Variants in PRR16 observed in about 807,000 individuals in gnomAD.
The protein encoded by PRR16 is proline rich 16.
PRR16 carries 6 observed loss-of-function variants against 18.2 expected under a neutral mutation model. That is an observed-to-expected ratio of 0.33 (90% confidence interval 0.18 to 0.65). The LOEUF (loss-of-function observed/expected upper bound fraction) is 0.65. PRR16 is among the 30% of genes least tolerant of loss of function. The probability of loss-of-function intolerance (pLI) is 0.74; values close to 1 mark genes in which losing one functional copy is unlikely to be tolerated. For missense variants in PRR16, 412 were observed against 376.6 expected, an observed-to-expected ratio of 1.09 and a Z score of -0.78; for synonymous variants, 151 against 147.8, an observed-to-expected ratio of 1.02 and a Z score of -0.16.
the PRR16 span, among the ~76,000 whole-genome samples, chr5:120,787,053 A>G: frequency 1.3e-5 from 2 of 152,198 alleles, no homozygotes; most frequent in African/African-American, 4.8e-5. Context: ...AGAATGGGTC[A>G]GAAGGCATTT....
At chr5:120,703,692 T>C in the PRR16 span, among the ~76,000 whole-genome samples, 3 of 152,196 alleles carry the variant, frequency 2.0e-5, no homozygotes, top group South Asian at 6.2e-4. Flanking sequence ...TTTGAAGAGA[T>C]TGGAGTGAGA....
In PRR16 at chr5:120,640,774, A is replaced by G. The variant is rs573194413; in HGVS notation, c.160-45180A>G. ...AAAAATATAAACAAATCAAAACAAA[A>G]CACAATTCTTCTCCCTTGCTTCTCT... On this transcript the variant is annotated intron_variant, in intron 1 of 1. Coordinates refer to ENST00000407149, the MANE Select transcript of PRR16 (RefSeq NM_001300783.2). Among the ~76,000 whole-genome samples the G allele has an allele frequency of 1.1e-3, 173 of 152,224 alleles. 1 individual carries two copies. Among genetic ancestry groups the G allele is most frequent in the Non-Finnish European group, 2.1e-3 (145 of 68,000 alleles).
the PRR16 span, among the ~76,000 whole-genome samples, chr5:120,707,061 A>G: frequency 6.6e-6 from 1 of 152,190 alleles, no homozygotes; most frequent in African/African-American, 2.4e-5. Flanking sequence ...AGGCTGGGAG[A>G]AAATTTACAT....
At position 120,577,142 on chromosome 5, in the gene PRR16, G is replaced by T. The variant is rs1753106793; in HGVS notation, c.160-108812G>T. Among the ~76,000 whole-genome samples the T allele has an allele frequency of 3.9e-5, 6 of 151,924 alleles. No individual in the cohort carries two copies. In the South Asian group the frequency reaches 1.0e-3, roughly 26 times the overall value. ...TATTCTTGTGAGTTTATACTAATAT[G>T]ATTCACATATATATCATGATATAGC... On this transcript the variant is annotated intron_variant, in intron 1 of 1. Transcript: ENST00000407149.
chr5:120,544,256 A>G (rs1371390208), intron 1 of PRR16, among the ~76,000 whole-genome samples: 1 of 152,158 alleles, frequency 6.6e-6, no homozygotes, highest in African/African-American at 2.4e-5. Context: ...AGATCTTCTG[A>G]CCTTTCAAAG....
At chr5:120,570,645 A>G (rs1752876926) in intron 1 of PRR16, among the ~76,000 whole-genome samples, 1 of 152,194 alleles carries the variant, frequency 6.6e-6, no homozygotes, top group African/African-American at 2.4e-5. Context: ...TCTGAAAACC[A>G]TCTCAATCCC....
chr5:120,789,270 A>G, the PRR16 span, among the ~76,000 whole-genome samples: 1 of 152,138 alleles, frequency 6.6e-6, no homozygotes, highest in African/African-American at 2.4e-5. Context: ...AGAAGACCAC[A>G]GACACACTCC....
chr5:120,464,657 A>T lies in PRR16; in HGVS notation c.159+12A>T. On this transcript the variant is annotated intron_variant, in intron 1 of 1. Transcript: ENST00000407149. ...AGGAACTTAAGGAGGTGAGAGGCGC[A>T]GGGGTGGGGAGGGAGTTCGGCACCC... 1 of 1,543,122 alleles carries T rather than the reference A, an allele frequency of 6.5e-7. No homozygotes were observed. The highest frequency in any genetic ancestry group is 8.7e-7 in the Non-Finnish European group (1 of 1,150,130).
chr5:120,526,998 C>A (rs112703720), intron 1 of PRR16, among the ~76,000 whole-genome samples: 2 of 152,112 alleles, frequency 1.3e-5, no homozygotes, highest in Non-Finnish European at 2.9e-5. Context: ...CTTTATGCCC[C>A]GTGATTAGTA....
intron 1 of PRR16, among the ~76,000 whole-genome samples, chr5:120,510,511 G>T (rs908776966): frequency 2.0e-5 from 3 of 152,128 alleles, no homozygotes; most frequent in Non-Finnish European, 4.4e-5. Flanking sequence ...ATCATTTGTA[G>T]AAAAAGACTA....
chr5:120,644,456 T>G (rs976926603), intron 1 of PRR16, among the ~76,000 whole-genome samples: 1 of 152,058 alleles, frequency 6.6e-6, no homozygotes, highest in Non-Finnish European at 1.5e-5. Context: ...AAGAACCTCA[T>G]GGGATTTGGA....
the PRR16 span, among the ~76,000 whole-genome samples, chr5:120,740,158 T>C: frequency 1.3e-5 from 2 of 152,308 alleles, no homozygotes; most frequent in South Asian, 2.1e-4. Flanking sequence ...TTTGCTTTTC[T>C]TCTGTTGAGA....
intron 1 of PRR16, among the ~76,000 whole-genome samples, chr5:120,633,147 G>T (rs1487963604): frequency 6.6e-6 from 1 of 152,040 alleles, no homozygotes; most frequent in Non-Finnish European, 1.5e-5. Context: ...ATAAATAAAA[G>T]AAAGATACAG....
intron 1 of PRR16, among the ~76,000 whole-genome samples, chr5:120,631,449 C>T (rs547865522): frequency 1.7e-4 from 26 of 152,166 alleles, no homozygotes; most frequent in African/African-American, 6.0e-4. Context: ...AGTTCTCAGC[C>T]CTGGTCACTG....
Position 120,585,761 on chromosome 5 carries a change from T to C in PRR16, c.160-100193T>C, listed in dbSNP as rs114639280. Among the ~76,000 whole-genome samples, 1,236 of 152,232 alleles carry C rather than the reference T, an allele frequency of 8.1e-3. 24 individuals carry two copies. The highest frequency in any genetic ancestry group is 0.028 in the African/African-American group (1,148 of 41,536). On this transcript the variant is annotated intron_variant, in intron 1 of 1. Transcript: ENST00000407149. ...TGTTATTCAATACTTCAAGTTAGCATTTCAAGCTGAACGTATGTGTTTCAG... is the reference window on the plus strand; with the variant it reads ...TGTTATTCAATACTTCAAGTTAGCACTTCAAGCTGAACGTATGTGTTTCAG...
At chr5:120,465,539 A>G (rs1450445691) in intron 1 of PRR16, 1 of 152,304 alleles carries the variant, frequency 6.6e-6, no homozygotes. Flanking sequence ...GAAGCAGAGA[A>G]GGTGTCAGGG....
chr5:120,661,065 T>C (rs545715557), intron 1 of PRR16, among the ~76,000 whole-genome samples: 1 of 152,282 alleles, frequency 6.6e-6, no homozygotes, highest in Non-Finnish European at 1.5e-5. Context: ...GCATATTTTC[T>C]TCACAATGTG....
the PRR16 span, among the ~76,000 whole-genome samples, chr5:120,744,356 G>A: frequency 6.6e-6 from 1 of 152,208 alleles, no homozygotes; most frequent in Non-Finnish European, 1.5e-5. Flanking sequence ...CCAGTTGTCT[G>A]GCGCAGGCCA....
At chr5:120,500,200 G>T (rs1011099180) in intron 1 of PRR16, among the ~76,000 whole-genome samples, 1 of 152,094 alleles carries the variant, frequency 6.6e-6, no homozygotes, top group Non-Finnish European at 1.5e-5. Flanking sequence ...TTTCTGTCTT[G>T]CTAGACTGTT....
Sources: gnomAD v4.1 joint callset for allele counts (sites outside exome capture counted in the v4.1 genomes callset) on GRCh38, gnomAD v4.1.1 for gene constraint, MANE v1.5 for transcripts, NCBI Gene and HGNC (gene_info 2026-07-23, HGNC 2026-07-21) for gene names.